The following TFAP2D variants were observed in gnomAD, a reference collection of about 807,000 sequenced individuals.
TFAP2D encodes transcription factor AP-2-delta.
In TFAP2D, 9 loss-of-function variants were observed where a neutral mutation model predicts 43.6. That is an observed-to-expected ratio of 0.21 (90% CI 0.12 to 0.36). The LOEUF is 0.36. Among genes scored for constraint, TFAP2D ranks in the 10% least tolerant of loss-of-function variants. The probability of loss-of-function intolerance (pLI) is 1.00; values close to 1 mark genes in which losing one functional copy is unlikely to be tolerated. For missense variants in TFAP2D, 513 were observed against 561.4 expected, an observed-to-expected ratio of 0.91 and a Z score of 0.87; for synonymous variants, 256 against 224.9, an observed-to-expected ratio of 1.14 and a Z score of -1.24.
At chr6:50,732,026 A>C (rs763048737) in intron 5 of TFAP2D, among the ~76,000 whole-genome samples, 2 of 152,016 alleles carry the variant, frequency 1.3e-5, no homozygotes, top group African/African-American at 2.4e-5. Flanking sequence ...ATTTCACCAT[A>C]CTTACTATTT....
intron 6 of TFAP2D, among the ~76,000 whole-genome samples, chr6:50,745,844 A>G (rs569211632): frequency 2.6e-5 from 4 of 152,296 alleles, no homozygotes; most frequent in Non-Finnish European, 5.9e-5. Flanking sequence ...AAGCCCAATT[A>G]AAATGCAAAT....
At chr6:50,719,815 C>T (rs1768690043) in intron 3 of TFAP2D, among the ~76,000 whole-genome samples, 1 of 152,150 alleles carries the variant, frequency 6.6e-6, no homozygotes. Flanking sequence ...AGGGAAACAT[C>T]TGAATCCAGA....
chr6:50,741,324 C>A (rs1256145810), intron 5 of TFAP2D, among the ~76,000 whole-genome samples: 1 of 152,020 alleles, frequency 6.6e-6, no homozygotes. Flanking sequence ...GGTACAAATG[C>A]AAGTTTGTTA....
At chr6:50,722,960 G>A (rs1399388597) in intron 3 of TFAP2D, among the ~76,000 whole-genome samples, 1 of 152,226 alleles carries the variant, frequency 6.6e-6, no homozygotes, top group Non-Finnish European at 1.5e-5. Context: ...ACGCGAAGAG[G>A]GAGCGGACCC....
chr6:50,729,786 A>G (rs1768859777), intron 5 of TFAP2D, among the ~76,000 whole-genome samples: 1 of 152,138 alleles, frequency 6.6e-6, no homozygotes, highest in African/African-American at 2.4e-5. Flanking sequence ...CTCTCTAAAG[A>G]CATGGTGAAC....
chr6:50,744,892 G>T (rs1362476329), intron 5 of TFAP2D, among the ~76,000 whole-genome samples: 1 of 151,934 alleles, frequency 6.6e-6, no homozygotes, highest in Non-Finnish European at 1.5e-5. Context: ...ACCTATCCCT[G>T]CCTGCTAAGT....
intron 1 of TFAP2D, 61 bp downstream of exon 1, chr6:50,714,155 TGGCGGCGGTGGC>T (rs1264936551): frequency 5.3e-6 from 8 of 1,508,130 alleles, no homozygotes; most frequent in Non-Finnish European, 7.1e-6. Flanking sequence ...GCGGCGGCGG[TGGCGGCGGTGGC>T]GGCGGCGGTG....
intron 7 of TFAP2D, among the ~76,000 whole-genome samples, chr6:50,756,986 T>G (rs1302152830): frequency 6.6e-6 from 1 of 151,878 alleles, no homozygotes; most frequent in Non-Finnish European, 1.5e-5. Context: ...TCTCCTTGAA[T>G]CTGAAGTCAA....
chr6:50,758,384 T>C (rs905118725), intron 7 of TFAP2D, among the ~76,000 whole-genome samples: 1 of 151,998 alleles, frequency 6.6e-6, no homozygotes, highest in Non-Finnish European at 1.5e-5. Context: ...CTTTGACAAC[T>C]CTATTAGAAA....
At chr6:50,765,622 A>T (rs1247112115) in intron 7 of TFAP2D, among the ~76,000 whole-genome samples, 1 of 152,056 alleles carries the variant, frequency 6.6e-6, no homozygotes, top group Non-Finnish European at 1.5e-5. Context: ...GATGTTTAGC[A>T]TCTGTTCATA....
intron 7 of TFAP2D, among the ~76,000 whole-genome samples, chr6:50,756,940 A>G (rs769635998): frequency 4.6e-5 from 7 of 151,728 alleles, no homozygotes; most frequent in Non-Finnish European, 8.8e-5. Flanking sequence ...AGGAAATCTT[A>G]AAATTTTCCC....
At chr6:50,738,338 T>C (rs544518889) in intron 5 of TFAP2D, among the ~76,000 whole-genome samples, 2 of 152,264 alleles carry the variant, frequency 1.3e-5, no homozygotes, top group South Asian at 4.1e-4. Context: ...TTATGGGTTT[T>C]TGTTTATTTG....
At chr6:50,732,000 T>A (rs1018828991) in intron 5 of TFAP2D, among the ~76,000 whole-genome samples, 1 of 152,074 alleles carries the variant, frequency 6.6e-6, no homozygotes, top group Admixed American at 6.6e-5. Flanking sequence ...ATTTCTACAG[T>A]TTTACTCCTG....
At chr6:50,744,109 T>C (rs1769091839) in intron 5 of TFAP2D, among the ~76,000 whole-genome samples, 1 of 152,162 alleles carries the variant, frequency 6.6e-6, no homozygotes, top group East Asian at 1.9e-4. Flanking sequence ...GTAAACTGTG[T>C]CATGGGGGTT....
At position 50,729,241 on chromosome 6, in the gene TFAP2D, G is replaced by A; in HGVS notation, c.812G>A (p.Arg271Lys). 6.2e-7 allele frequency: 1 copy of A among 1,613,952 alleles called. No individual in the cohort carries two copies. The highest frequency in any genetic ancestry group is 8.5e-7 in the Non-Finnish European group (1 of 1,179,862). ...GGRCLREKLD[R>K]LGLNLPAGRR... Reference sequence around the variant, plus strand: ...CGCTGCCTGAGAGAGAAATTGGATAGGCTTGGCTTAAACTTACCAGCAGGA... The same window carrying A: ...CGCTGCCTGAGAGAGAAATTGGATAAGCTTGGCTTAAACTTACCAGCAGGA... Residue 271 changes from arginine to lysine, a missense_variant, in exon 5 of 8, where the codon AGG (arginine) becomes AAG (lysine). Physicochemically the swap from Arg to Lys is conservative, Grantham distance 26. Around this residue, in one of 3 missense-constraint regions of TFAP2D, gnomAD observed 199 missense variants for 227.9 expected, o/e 0.87. Coordinates refer to ENST00000008391, the MANE Select transcript of TFAP2D (RefSeq NM_172238.4).
intron 7 of TFAP2D, among the ~76,000 whole-genome samples, chr6:50,771,765 G>A (rs1292679182): frequency 6.6e-6 from 1 of 152,174 alleles, no homozygotes; most frequent in Non-Finnish European, 1.5e-5. Context: ...AGGATGTGGA[G>A]AAATAGGAAT....
At chr6:50,752,125 T>C (rs1039854143) in intron 7 of TFAP2D, among the ~76,000 whole-genome samples, 1 of 151,950 alleles carries the variant, frequency 6.6e-6, no homozygotes, top group Non-Finnish European at 1.5e-5. Flanking sequence ...GTTCTTAAGT[T>C]AGACCACACA....
chr6:50,744,213 A>G (rs1346917497), intron 5 of TFAP2D, among the ~76,000 whole-genome samples: 1 of 152,102 alleles, frequency 6.6e-6, no homozygotes, highest in Non-Finnish European at 1.5e-5. Context: ...TTTACCCTCA[A>G]GTAGGTCCCA....
At chr6:50,715,698 GTCTC>G in intron 2 of TFAP2D, 85 bp downstream of exon 2, 2 of 1,431,482 alleles carry the variant, frequency 1.4e-6, no homozygotes, top group East Asian at 2.3e-5. Context: ...ACTGTAAAGC[GTCTC>G]TCTTTCTCTC....
Sources: gnomAD v4.1 joint callset for allele counts (sites outside exome capture counted in the v4.1 genomes callset) on GRCh38, gnomAD v4.1.1 for gene constraint, gnomAD v4.1.1 regional missense constraint, MANE v1.5 for transcripts, NCBI Gene and HGNC (gene_info 2026-07-23, HGNC 2026-07-21) for gene names.